Variants in ADCK1 observed in about 807,000 individuals in gnomAD.
ADCK1 encodes aarF domain containing kinase 1.
In ADCK1, 41 loss-of-function variants were observed where a neutral mutation model predicts 52.3. That is an observed-to-expected ratio of 0.78 (90% confidence interval 0.61 to 1.02). The LOEUF (loss-of-function observed/expected upper bound fraction) is 1.02. Among genes scored for constraint, ADCK1 ranks in the 50% least tolerant of loss-of-function variants. The pLI, the probability that ADCK1 is intolerant of heterozygous loss-of-function variation, is 0.00. For missense variants in ADCK1, 658 were observed against 679.5 expected (o/e 0.97, Z 0.35); for synonymous variants, 250 against 274.6 (o/e 0.91, Z 0.89).
At chr14:77,878,249 GGATA>G (rs2082941812) in intron 4 of ADCK1, among the ~76,000 whole-genome samples, 1 of 152,204 alleles carries the variant, frequency 6.6e-6, no homozygotes, top group Admixed American at 6.5e-5. Flanking sequence ...AACATATGTT[GGATA>G]GATAAATGAG....
intron 3 of ADCK1, among the ~76,000 whole-genome samples, chr14:77,851,659 T>G (rs960966968): frequency 6.6e-6 from 1 of 152,196 alleles, no homozygotes; most frequent in South Asian, 2.1e-4. Context: ...AATGATTGCT[T>G]TAGTTTATAG....
intron 4 of ADCK1, among the ~76,000 whole-genome samples, chr14:77,874,714 C>T (rs1234262760): frequency 6.6e-6 from 1 of 152,142 alleles, no homozygotes; most frequent in Non-Finnish European, 1.5e-5. Context: ...GTGCTGGCCC[C>T]AGGGGTTATG....
At chr14:77,909,127 CTTT>C (rs55821210) in intron 7 of ADCK1, among the ~76,000 whole-genome samples, 2 of 103,316 alleles carry the variant, frequency 1.9e-5, no homozygotes, top group African/African-American at 7.8e-5. Context: ...GAGGTAAATG[CTTT>C]TTTTTTTTTT....
In ADCK1 at chr14:77,925,864, C is replaced by T; in HGVS notation, c.1109C>T (p.Ala370Val). ...RVKEYSQRLG[A>V]GDLYPLFACM... ...AAGGAGTACAGCCAGCGACTGGGAG[C>T]CGGGGATCTCTACCCCTTGTTTGCC... Residue 370 changes from alanine (A) to valine (V), a missense_variant, in exon 9 of 11, where the codon GCC (alanine) becomes GTC (valine). Ala to Val is a moderately conservative substitution (Grantham distance 64, BLOSUM62 0). Coordinates refer to ENST00000238561, the MANE Select transcript of ADCK1 (RefSeq NM_020421.4). 6.2e-7 allele frequency: 1 copy of T among 1,614,226 alleles called. No homozygotes were observed. The highest frequency in any genetic ancestry group is 8.5e-7 in the Non-Finnish European group (1 of 1,180,046).
chr14:77,899,753 A>C (rs1335035933), intron 6 of ADCK1, among the ~76,000 whole-genome samples: 1 of 152,176 alleles, frequency 6.6e-6, no homozygotes, highest in African/African-American at 2.4e-5. Context: ...GGGAAAATAG[A>C]GTTAGGGGCA....
Position 77,931,630 on chromosome 14 carries a change from G to A in ADCK1, c.1319G>A (p.Gly440Asp), listed in dbSNP as rs140999497. ...LILKTNDLLR[G>D]IEAALGTRAS... is the part of the protein sequence containing the mutation. ...TTGAAGACCAACGACCTGCTGCGTG[G>A]CATTGAGGCCGCCCTGGGCACCCGC... is the stretch of plus-strand genomic sequence containing the variant. The change falls in exon 10 of 11, where the codon GGC becomes GAC. Residue 440 changes from glycine to aspartate, a missense_variant. Transcript: ENST00000238561. 6.8e-4 allele frequency: 1,101 copies of A among 1,612,672 alleles called. No homozygotes were observed. Among genetic ancestry groups the A allele is most frequent in the Non-Finnish European group, 8.8e-4 (1,037 of 1,180,044 alleles).
chr14:77,863,501 C>T (rs1033672649), intron 4 of ADCK1, among the ~76,000 whole-genome samples: 3 of 152,074 alleles, frequency 2.0e-5, no homozygotes, highest in Non-Finnish European at 2.9e-5. Context: ...TACCTGCCCC[C>T]ATGACATACA....
rs11311915 is a variant in ADCK1 at position 77,825,640 on chromosome 14, G to GT, written c.219+3139dup. On this transcript the variant is annotated intron_variant, in intron 3 of 10. Coordinates refer to ENST00000238561, the MANE Select transcript of ADCK1 (RefSeq NM_020421.4). ...AACGAACGAGTGAATGAAATGTTAGGTTTTTTTTTTTTTTTTTGAGACGGA... is the reference window on the plus strand; with the variant it reads ...AACGAACGAGTGAATGAAATGTTAGGTTTTTTTTTTTTTTTTTTGAGACGGA... Among the ~76,000 whole-genome samples the GT allele has an allele frequency of 3.4e-3, 469 of 137,384 alleles. 1 individual carries two copies. The highest frequency in any genetic ancestry group is 4.1e-3 in the Admixed American group (55 of 13,492). 90.1% of individuals were successfully genotyped at this position (137,384 alleles called of 152,430 possible). A position where few individuals can be genotyped will look rare whatever the true frequency, so the allele number is the denominator to read the frequency against.
chr14:77,854,140 T>G (rs1258378750), intron 3 of ADCK1, among the ~76,000 whole-genome samples: 1 of 152,238 alleles, frequency 6.6e-6, no homozygotes, highest in Non-Finnish European at 1.5e-5. Context: ...GACATCATGA[T>G]TTATGGCCTG....
chr14:77,891,667 A>C (rs1354669497), intron 5 of ADCK1, among the ~76,000 whole-genome samples: 4 of 152,088 alleles, frequency 2.6e-5, no homozygotes, highest in African/African-American at 9.7e-5. Flanking sequence ...TGGGGCTGGG[A>C]CCACAAGGCA....
At chr14:77,888,951 TG>T (rs999287088) in intron 5 of ADCK1, among the ~76,000 whole-genome samples, 7 of 151,698 alleles carry the variant, frequency 4.6e-5, no homozygotes, top group Non-Finnish European at 7.4e-5. Flanking sequence ...CCACATGTTG[TG>T]GGGGGGGACC....
chr14:77,861,916 G>T (rs1480458821), intron 4 of ADCK1, among the ~76,000 whole-genome samples: 2 of 152,250 alleles, frequency 1.3e-5, no homozygotes, highest in African/African-American at 2.4e-5. Flanking sequence ...ACATCAGCTG[G>T]CACCATCAGT....
chr14:77,853,317 G>T (rs1254452957), intron 3 of ADCK1, among the ~76,000 whole-genome samples: 1 of 151,582 alleles, frequency 6.6e-6, no homozygotes, highest in Non-Finnish European at 1.5e-5. Flanking sequence ...ATGGAGTTTT[G>T]CCATATTGCC....
intron 7 of ADCK1, among the ~76,000 whole-genome samples, chr14:77,909,321 G>A (rs762850531): frequency 2.6e-5 from 4 of 152,054 alleles, no homozygotes; most frequent in Non-Finnish European, 5.9e-5. Flanking sequence ...TTTTAGTAGA[G>A]ACAGGGTTTC....
intron 7 of ADCK1, among the ~76,000 whole-genome samples, chr14:77,921,322 GTC>G (rs2084046949): frequency 4.2e-5 from 1 of 24,006 alleles, no homozygotes; most frequent in East Asian, 3.5e-3. Flanking sequence ...GTGAGACTCT[GTC>G]TCAAAAAAAA....
chr14:77,828,181 C>T (rs1829424851), intron 3 of ADCK1, among the ~76,000 whole-genome samples: 1 of 152,170 alleles, frequency 6.6e-6, no homozygotes. Flanking sequence ...CCAGTCTGGT[C>T]TTTAACTCCT....
Position 77,925,757 on chromosome 14 carries a change from A to G in ADCK1, c.1009-7A>G, listed in dbSNP as rs767640483. 1.9e-6 allele frequency: 3 copies of G among 1,613,896 alleles called. No homozygotes were observed. Among genetic ancestry groups the G allele is most frequent in the Admixed American group, 3.3e-5 (2 of 60,018 alleles). On this transcript the variant is annotated splice_polypyrimidine_tract_variant and splice_region_variant and intron_variant, in intron 8 of 10. Coordinates refer to ENST00000238561, the MANE Select transcript of ADCK1 (RefSeq NM_020421.4). ...CTTAGGTCCCACCGCTGCCGCCTCC[A>G]CCCTAGATGCTCACGGAAGAATTCC...
chr14:77,861,007 T>C (rs1002324760), intron 4 of ADCK1, among the ~76,000 whole-genome samples: 28 of 151,724 alleles, frequency 1.8e-4, no homozygotes, highest in Non-Finnish European at 2.7e-4. Flanking sequence ...AAGTTTGGAG[T>C]GTCAGCAGTC....
intron 4 of ADCK1, among the ~76,000 whole-genome samples, chr14:77,884,999 G>A (rs1297266644): frequency 6.6e-6 from 1 of 152,196 alleles, no homozygotes; most frequent in Non-Finnish European, 1.5e-5. Flanking sequence ...TCAAAGGGAA[G>A]GAAAAGTTGA....
Sources: allele counts gnomAD v4.1 joint callset (sites outside exome capture counted in the v4.1 genomes callset), GRCh38; gene constraint gnomAD v4.1.1; transcripts MANE v1.5; gene names NCBI Gene and HGNC (gene_info 2026-07-23, HGNC 2026-07-21).